PLEKHG4B: variants seen among roughly 807,000 people sequenced by gnomAD.
PLEKHG4B encodes the protein pleckstrin homology and RhoGEF domain containing G4B, also known as pleckstrin homology domain-containing family G member 4B.
In PLEKHG4B, 111 loss-of-function variants were observed where a neutral mutation model predicts 121.3. The observed-to-expected ratio is 0.92, with a 90% confidence interval of 0.78 to 1.07. The LOEUF (loss-of-function observed/expected upper bound fraction) is 1.07, where lower values mean the gene tolerates loss of function less well. PLEKHG4B is among the 50% of genes least tolerant of loss of function. The probability of loss-of-function intolerance (pLI) is 0.00; values close to 1 mark genes in which losing one functional copy is unlikely to be tolerated. For missense variants in PLEKHG4B, 1,831 were observed against 1,757.8 expected, an observed-to-expected ratio of 1.04 and a Z score of -0.74; for synonymous variants, 738 against 725.0, an observed-to-expected ratio of 1.02 and a Z score of -0.29.
In PLEKHG4B at chr5:186,258, A is replaced by G. The variant is rs1733619797; in HGVS notation, c.*3935A>G. 1 of 152,102 alleles carries G rather than the reference A, an allele frequency of 6.6e-6. No individual in the cohort carries two copies. Among genetic ancestry groups the G allele is most frequent in the African/African-American group, 2.4e-5 (1 of 41,400 alleles). The allele number at this position is 152,102 out of a possible 1,614,324, so 9.4% of individuals were successfully genotyped here. On this transcript the variant is annotated 3_prime_UTR_variant, in exon 20 of 20. Coordinates refer to ENST00000637938, the MANE Select transcript of PLEKHG4B (RefSeq NM_052909.5). ...CCTCTCTCTCTGGCCTTCTGTCCAC[A>G]CTGGGATTTGGCTCTGATTTCCAGA...
In PLEKHG4B at chr5:186,315, A is replaced by T. The variant is rs930176305; in HGVS notation, c.*3992A>T. On this transcript the variant is annotated 3_prime_UTR_variant, in exon 20 of 20. Transcript: ENST00000637938. ...GGTTAGGAAACACCTGTTTCCAGGC[A>T]GAGTAATGCTTCTGTCTGAATCAGG... 1 of 152,232 alleles carries T rather than the reference A, an allele frequency of 6.6e-6. No homozygotes were observed. Among genetic ancestry groups the T allele is most frequent in the African/African-American group, 2.4e-5 (1 of 41,462 alleles). The allele number at this position is 152,232 out of a possible 1,614,324, so 9.4% of individuals were successfully genotyped here. A position where few individuals can be genotyped will look rare whatever the true frequency, so the allele number is the denominator to read the frequency against.
chr5:169,918 G>A (rs1736487399), intron 14 of PLEKHG4B, among the ~76,000 whole-genome samples: 1 of 152,184 alleles, frequency 6.6e-6, no homozygotes. Context: ...GCCAGAAGCA[G>A]TTCCCAGAAT....
chr5:126,076 G>A (rs1324249288), intron 2 of PLEKHG4B, among the ~76,000 whole-genome samples: 1 of 152,102 alleles, frequency 6.6e-6, no homozygotes, highest in Non-Finnish European at 1.5e-5. Context: ...TTTGGTGTGG[G>A]TCTCTTTGAC....
chr5:155,317 TA>T, intron 8 of PLEKHG4B, 27 bp from the exon 9 acceptor site: 1 of 1,579,558 alleles, frequency 6.3e-7, no homozygotes, highest in African/African-American at 1.3e-5. Flanking sequence ...TGTGTTCTTA[TA>T]ATCTCCTCCC....
chr5:136,756 C>T (rs997703063), intron 2 of PLEKHG4B, among the ~76,000 whole-genome samples: 4 of 152,194 alleles, frequency 2.6e-5, no homozygotes, highest in African/African-American at 7.2e-5. Context: ...GGTCCTCGTG[C>T]GTGGTTGGTG....
chr5:111,594 C>T (rs541293519), intron 1 of PLEKHG4B, among the ~76,000 whole-genome samples: 25 of 152,256 alleles, frequency 1.6e-4, no homozygotes, highest in Admixed American at 5.2e-4. Flanking sequence ...AGTAGGAGGA[C>T]GTCTCTTCCG....
At chr5:123,333 C>A (rs1734524272) in intron 2 of PLEKHG4B, among the ~76,000 whole-genome samples, 1 of 152,010 alleles carries the variant, frequency 6.6e-6, no homozygotes, top group South Asian at 2.1e-4. Flanking sequence ...ATTACAATGT[C>A]CATAAGGGAT....
At chr5:132,236 T>C (rs1346838475) in intron 2 of PLEKHG4B, among the ~76,000 whole-genome samples, 1 of 152,172 alleles carries the variant, frequency 6.6e-6, no homozygotes, top group African/African-American at 2.4e-5. Flanking sequence ...TATCCGTTTG[T>C]AGATGACATG....
rs563229678 is a variant in PLEKHG4B at position 110,439 on chromosome 5, CCACA to C, written c.46-2809_46-2806del. Reference sequence around the variant, plus strand: ...CAATCTGCAACACACGTGCACACACCCACACAATCTGCAACACACGTGCACACAT... The same window carrying C: ...CAATCTGCAACACACGTGCACACACCCAATCTGCAACACACGTGCACACAT... On this transcript the variant is annotated intron_variant, in intron 1 of 19. Transcript: ENST00000637938. Among the ~76,000 whole-genome samples, 1,143 of 148,162 alleles carry C rather than the reference CCACA, an allele frequency of 7.7e-3. 10 individuals carry two copies. Among genetic ancestry groups the C allele is most frequent in the Admixed American group, 0.013 (190 of 14,818 alleles).
At chr5:141,521 C>G (rs572911440) in intron 3 of PLEKHG4B, among the ~76,000 whole-genome samples, 15 of 150,962 alleles carry the variant, frequency 9.9e-5, no homozygotes, top group Non-Finnish European at 1.8e-4. Flanking sequence ...TGCTCTTGGG[C>G]ACCCATCGCT....
intron 1 of PLEKHG4B, among the ~76,000 whole-genome samples, chr5:112,126 C>T (rs1020745424): frequency 1.2e-4 from 19 of 152,210 alleles, no homozygotes; most frequent in Non-Finnish European, 2.4e-4. Context: ...TGAGTGAGAA[C>T]GAGCCAGTGT....
At chr5:135,878 A>G (rs1298287503) in intron 2 of PLEKHG4B, among the ~76,000 whole-genome samples, 1 of 151,294 alleles carries the variant, frequency 6.6e-6, no homozygotes, top group Non-Finnish European at 1.5e-5. Flanking sequence ...CTTGAAGAAG[A>G]GCTAAAAAGT....
In PLEKHG4B at chr5:184,057, G is replaced by A. The variant is rs1733537644; in HGVS notation, c.*1734G>A. 6.6e-6 allele frequency: 1 copy of A among 151,340 alleles called. No individual in the cohort carries two copies. Among genetic ancestry groups the A allele is most frequent in the Non-Finnish European group, 1.5e-5 (1 of 68,008 alleles). The allele number at this position is 151,340 out of a possible 1,614,324, so 9.4% of individuals were successfully genotyped here. A position where few individuals can be genotyped will look rare whatever the true frequency, so the allele number is the denominator to read the frequency against. ...GACAGACAGATGAGAGGGGCCTTAG[G>A]GGCATTGGCTGACACAATTTTGGCA... On this transcript the variant is annotated 3_prime_UTR_variant, in exon 20 of 20. Coordinates refer to ENST00000637938, the MANE Select transcript of PLEKHG4B (RefSeq NM_052909.5).
chr5:156,482 C>T lies in PLEKHG4B; in HGVS notation c.2348+272C>T, dbSNP rs2126426114. ...TTCTTGACCAGTGCTGCCTGGGGAG[C>T]TGTGCCCACCCCCAGCAGTCCCTGT... On this transcript the variant is annotated intron_variant, in intron 10 of 19. Transcript: ENST00000637938. This position sits in a 1 kb window ranked among gnomAD's most constrained non-coding sequence, Gnocchi z 4.4. Among the ~76,000 whole-genome samples the T allele has an allele frequency of 6.6e-6, 1 of 152,048 alleles. No individual in the cohort carries two copies. The highest frequency in any genetic ancestry group is 2.0e-4 in the East Asian group (1 of 5,098).
At chr5:103,570 C>G (rs1277058008) in intron 1 of PLEKHG4B, among the ~76,000 whole-genome samples, 1 of 152,196 alleles carries the variant, frequency 6.6e-6, no homozygotes, top group Non-Finnish European at 1.5e-5. Context: ...CTGCCAGATC[C>G]TTTTCTATTC....
At chr5:181,972 G>A (rs1261633180) in intron 19 of PLEKHG4B, 32 bp from the exon 20 acceptor site, 1 of 1,598,406 alleles carries the variant, frequency 6.3e-7, no homozygotes, top group African/African-American at 1.3e-5. Flanking sequence ...TGGAGCGGAA[G>A]CCAGCCTGAC....
chr5:182,428 G>A lies in PLEKHG4B; in HGVS notation c.*105G>A. 2 of 1,175,700 alleles carry A rather than the reference G, an allele frequency of 1.7e-6. No individual in the cohort carries two copies. Among genetic ancestry groups the A allele is most frequent in the Non-Finnish European group, 2.4e-6 (2 of 843,584 alleles). 72.8% of individuals were successfully genotyped at this position (1,175,700 alleles called of 1,614,324 possible). ...GGTGGCGGTGCCCATCGCGTGGCTG[G>A]AACGATCCAGAGGGAATAGCACAGC... On this transcript the variant is annotated 3_prime_UTR_variant, in exon 20 of 20. Transcript: ENST00000637938.
At chr5:173,179 G>T in intron 17 of PLEKHG4B, 112 bp downstream of exon 17, 1 of 1,059,656 alleles carries the variant, frequency 9.4e-7, no homozygotes. Flanking sequence ...GTGAAGCGGG[G>T]AGGAGCCGCA....
chr5:135,682 AATATATATATATATATATATATAT>A lies in PLEKHG4B; in HGVS notation c.244-3778_244-3755del, dbSNP rs70955207. Among the ~76,000 whole-genome samples, 4 of 19,616 alleles carry A rather than the reference AATATATATATATATATATATATAT, an allele frequency of 2.0e-4. No homozygotes were observed. In the East Asian group the frequency reaches 5.8e-3, roughly 28 times the overall value. The allele number at this position is 19,616 out of a possible 152,430, so 12.9% of individuals were successfully genotyped here. A position where few individuals can be genotyped will look rare whatever the true frequency, so the allele number is the denominator to read the frequency against. On this transcript the variant is annotated intron_variant, in intron 2 of 19. Transcript: ENST00000637938. ...CTCCATCTCAAAAAAAAAAAAAAAA[AATATATATATATATATATATATAT>A]ATATATATATATATATATATATGTA...
Sources: allele counts gnomAD v4.1 joint callset (sites outside exome capture counted in the v4.1 genomes callset), GRCh38; gene constraint gnomAD v4.1.1; non-coding constraint Gnocchi (gnomAD v3.1); transcripts MANE v1.5; gene names NCBI Gene and HGNC (gene_info 2026-07-23, HGNC 2026-07-21).